The following CSMD3 variants were observed in gnomAD, a reference collection of about 807,000 sequenced individuals.
CSMD3 encodes CUB and sushi domain-containing protein 3.
CSMD3 carries 177 observed loss-of-function variants against 435.2 expected under a neutral mutation model. The observed-to-expected ratio is 0.41, with a 90% CI of 0.36 to 0.46. CSMD3 has a LOEUF of 0.46. CSMD3 is among the 20% of genes least tolerant of loss of function. CSMD3 has a pLI of 0.34. For missense variants in CSMD3, 4,265 were observed against 4,504.6 expected, an observed-to-expected ratio of 0.95 and a Z score of 1.52; for synonymous variants, 1,656 against 1,520.5, an observed-to-expected ratio of 1.09 and a Z score of -2.07.
intron 3 of CSMD3, among the ~76,000 whole-genome samples, chr8:113,235,077 T>G (rs1588333838): frequency 6.6e-6 from 1 of 152,130 alleles, no homozygotes; most frequent in South Asian, 2.1e-4. Context: ...TTTCCTGCTG[T>G]TTTTGACTGA....
rs555484474 is a variant in CSMD3, at chr8:112,476,664, C to T, written c.5279-3957G>A. On this transcript the variant is annotated intron_variant, in intron 31 of 70. Coordinates refer to ENST00000297405, the MANE Select transcript of CSMD3 (RefSeq NM_198123.2). ...ATTGTAATTTTGCTGTACCAAAGAA[C>T]TGTGTTTTATGTATGCCTATAGAAC... 5.3e-5 allele frequency among the ~76,000 whole-genome samples: 8 copies of T among 152,238 alleles called. No individual in the cohort carries two copies. The East Asian group carries it at 1.2e-3, about 22-fold the overall frequency.
chr8:112,805,796 A>G (rs2079071961), intron 12 of CSMD3, among the ~76,000 whole-genome samples: 1 of 152,164 alleles, frequency 6.6e-6, no homozygotes, highest in Admixed American at 6.6e-5. Context: ...TTTATGAAAA[A>G]GTATTCAAGG....
chr8:112,990,094 C>A (rs767091778), intron 6 of CSMD3, among the ~76,000 whole-genome samples: 4 of 151,930 alleles, frequency 2.6e-5, no homozygotes, highest in African/African-American at 4.8e-5. Flanking sequence ...TCCCCAGCCA[C>A]GTGGAAATGT....
Position 113,090,357 on chromosome 8 carries a change from G to T in CSMD3, c.917+8399C>A, listed in dbSNP as rs182476972. 4.3e-3 allele frequency among the ~76,000 whole-genome samples: 651 copies of T among 151,436 alleles called. 7 individuals carry two copies. The highest frequency in any genetic ancestry group is 0.024 in the Middle Eastern group (7 of 294). ...ATTCAGAAAATTGTCTTATTAAGATGAAAAAATTTGAAATATTTGTTTATT... is the reference window on the plus strand; with the variant it reads ...ATTCAGAAAATTGTCTTATTAAGATTAAAAAATTTGAAATATTTGTTTATT... On this transcript the variant is annotated intron_variant, in intron 5 of 70. Coordinates refer to ENST00000297405, the MANE Select transcript of CSMD3 (RefSeq NM_198123.2).
At chr8:113,008,469 T>C (rs2086139179) in intron 6 of CSMD3, among the ~76,000 whole-genome samples, 1 of 151,850 alleles carries the variant, frequency 6.6e-6, no homozygotes, top group Non-Finnish European at 1.5e-5. Context: ...ATCAATATGG[T>C]AGCCTCCAGC....
intron 1 of CSMD3, among the ~76,000 whole-genome samples, chr8:113,334,458 C>A (rs1246944128): frequency 6.6e-6 from 1 of 151,542 alleles, no homozygotes; most frequent in Non-Finnish European, 1.5e-5. Flanking sequence ...AATTATTTTT[C>A]ATATATTGTT....
intron 38 of CSMD3, among the ~76,000 whole-genome samples, chr8:112,361,868 G>T (rs1192998445): frequency 6.6e-6 from 1 of 151,462 alleles, no homozygotes; most frequent in East Asian, 1.9e-4. Flanking sequence ...ACTAAAGGTG[G>T]TATTTAGTGA....
chr8:112,517,086 G>A lies in CSMD3; in HGVS notation c.4704C>T (p.Cys1568=), dbSNP rs150174654. Residue 1568 remains cysteine, a synonymous_variant, in exon 28 of 71, where the codon TGC becomes TGT. Transcript: ENST00000297405. ...AGAAGTACCGATTTTCTACCTGAAT[G>A]CAGGTTATTCTTTCCTCTCCTTGAA... is the stretch of plus-strand genomic sequence containing the variant. ...YELQGEERIT[C]IQVENRYFWQ... 69 of 1,613,730 alleles carry A rather than the reference G, an allele frequency of 4.3e-5. No individual in the cohort carries two copies. The African/African-American group carries it at 8.1e-4, about 19-fold the overall frequency.
intron 1 of CSMD3, among the ~76,000 whole-genome samples, chr8:113,358,700 A>C (rs2094250533): frequency 6.6e-6 from 1 of 152,216 alleles, no homozygotes; most frequent in Admixed American, 6.5e-5. Flanking sequence ...TTTCTCAATG[A>C]TTAATGATGG....
At chr8:112,720,710 C>T (rs1341491518) in intron 13 of CSMD3, among the ~76,000 whole-genome samples, 1 of 152,044 alleles carries the variant, frequency 6.6e-6, no homozygotes, top group African/African-American at 2.4e-5. Flanking sequence ...AGCACAGTGC[C>T]GGATTCTGGC....
At chr8:112,786,500 A>G (rs978051712) in intron 13 of CSMD3, among the ~76,000 whole-genome samples, 1 of 152,020 alleles carries the variant, frequency 6.6e-6, no homozygotes, top group Non-Finnish European at 1.5e-5. Context: ...GGGAGAAAAT[A>G]TTTGCAAACT....
chr8:113,195,927 G>C (rs939066654), intron 3 of CSMD3, among the ~76,000 whole-genome samples: 1 of 149,892 alleles, frequency 6.7e-6, no homozygotes, highest in Admixed American at 6.7e-5. Context: ...CTTCCTCTCA[G>C]AGGATAAGTT....
At chr8:113,230,100 G>A (rs891744326) in intron 3 of CSMD3, among the ~76,000 whole-genome samples, 1 of 150,704 alleles carries the variant, frequency 6.6e-6, no homozygotes. Flanking sequence ...TAGGTTCTGG[G>A]TACTTTGGTT....
rs756318986 is a variant in CSMD3, at chr8:112,313,921, G to A, written c.7681C>T (p.Arg2561Trp). The A allele has an allele frequency of 3.0e-5, 48 of 1,611,020 alleles. No homozygotes were observed. Among genetic ancestry groups the A allele is most frequent in the Middle Eastern group, 1.6e-4 (1 of 6,064 alleles). Residue 2561 changes from arginine to tryptophan, a missense_variant, in exon 49 of 71, where the codon CGG becomes TGG. Physicochemically the swap from Arg to Trp is moderately radical, Grantham distance 101. Transcript: ENST00000297405. ...TTTTACATACCTATATATCTTATCCGGAAGCCTTTTTTGTTATTGCCATGA... is the reference window on the plus strand; with the variant it reads ...TTTTACATACCTATATATCTTATCCAGAAGCCTTTTTTGTTATTGCCATGA... ...ADHGNNKKGF[R>W]IRYIAFYCST...
chr8:112,806,492 T>G (rs2079089970), intron 12 of CSMD3, among the ~76,000 whole-genome samples: 1 of 152,162 alleles, frequency 6.6e-6, no homozygotes, highest in Admixed American at 6.6e-5. Flanking sequence ...GACAGCTATC[T>G]TACAAGTGCA....
At chr8:112,892,453 T>G (rs1239990644) in intron 10 of CSMD3, among the ~76,000 whole-genome samples, 1 of 151,508 alleles carries the variant, frequency 6.6e-6, no homozygotes, top group Non-Finnish European at 1.5e-5. Flanking sequence ...GAAAAATAAT[T>G]TATTATGGTA....
chr8:113,020,545 C>T (rs374074624), intron 5 of CSMD3, among the ~76,000 whole-genome samples: 17 of 152,092 alleles, frequency 1.1e-4, no homozygotes, highest in African/African-American at 3.9e-4. Context: ...GTAAAAGAGT[C>T]TCCAAAGCAA....
chr8:112,715,871 A>G (rs1289086966), intron 13 of CSMD3, among the ~76,000 whole-genome samples: 2 of 152,198 alleles, frequency 1.3e-5, no homozygotes, highest in African/African-American at 4.8e-5. Flanking sequence ...CTAAAATTCA[A>G]CATCCCCAAT....
At chr8:112,453,394 T>C (rs573969070) in intron 32 of CSMD3, among the ~76,000 whole-genome samples, 49 of 152,238 alleles carry the variant, frequency 3.2e-4, no homozygotes, top group African/African-American at 1.1e-3. Flanking sequence ...TACCTAGACC[T>C]GATAAATGAC....
Sources: allele counts gnomAD v4.1 joint callset (sites outside exome capture counted in the v4.1 genomes callset), GRCh38; gene constraint gnomAD v4.1.1; transcripts MANE v1.5; gene names NCBI Gene and HGNC (gene_info 2026-07-23, HGNC 2026-07-21).